The following XKR4 variants were observed in gnomAD, a reference collection of about 807,000 sequenced individuals.
XKR4 encodes XK related 4, also known as XK-related protein 4.
XKR4 carries 12 observed loss-of-function variants against 53.9 expected under a neutral mutation model. That is an observed-to-expected ratio of 0.22 (90% CI 0.14 to 0.36). The LOEUF (loss-of-function observed/expected upper bound fraction) is 0.36, where lower values mean the gene tolerates loss of function less well. Among genes scored for constraint, XKR4 ranks in the 10% least tolerant of loss-of-function variants. The pLI is 1.00. For missense variants in XKR4, 799 were observed against 859.5 expected, an observed-to-expected ratio of 0.93 and a Z score of 0.88; for synonymous variants, 354 against 362.4, an observed-to-expected ratio of 0.98 and a Z score of 0.26.
At position 55,524,511 on chromosome 8, in the gene XKR4, G is replaced by GT; in HGVS notation, c.*284_*285insT. 4.6e-6 allele frequency: 2 copies of GT among 430,834 alleles called. No homozygotes were observed. The highest frequency in any genetic ancestry group is 3.9e-5 in the African/African-American group (2 of 50,898). 26.7% of individuals were successfully genotyped at this position (430,834 alleles called of 1,614,324 possible). ...CACGGTCTTGGGTGCACCCACCAGA[G>GT]GGTACTACTATTATGGAAAAATTTT... On this transcript the variant is annotated 3_prime_UTR_variant, in exon 3 of 3. Coordinates refer to ENST00000327381, the MANE Select transcript of XKR4 (RefSeq NM_052898.2).
At chr8:55,314,845 G>T (rs946596702) in intron 1 of XKR4, among the ~76,000 whole-genome samples, 1 of 152,266 alleles carries the variant, frequency 6.6e-6, no homozygotes, top group Non-Finnish European at 1.5e-5. Context: ...TTCAAGAAGG[G>T]AAGGCCATTT....
rs576618617 is a variant in XKR4, at chr8:55,321,700, C to T, written c.807-35978C>T. 5.9e-5 allele frequency among the ~76,000 whole-genome samples: 9 copies of T among 152,266 alleles called. No individual in the cohort carries two copies. The South Asian group carries it at 1.9e-3, about 32-fold the overall frequency. On this transcript the variant is annotated intron_variant, in intron 1 of 2. Transcript: ENST00000327381. The stretch of plus-strand genomic sequence containing the variant: ...TTGTGAACCCACCACCTATTAAAAA[C>T]ATATCTTGGGCCGGGCATGGTGGCT...
intron 1 of XKR4, among the ~76,000 whole-genome samples, chr8:55,310,318 G>A (rs1183209691): frequency 6.6e-6 from 1 of 152,124 alleles, no homozygotes; most frequent in Non-Finnish European, 1.5e-5. Context: ...GTGACCTTCA[G>A]CAAAGTCCTT....
chr8:55,396,561 C>G (rs1042599507), intron 2 of XKR4, among the ~76,000 whole-genome samples: 1 of 152,002 alleles, frequency 6.6e-6, no homozygotes, highest in East Asian at 1.9e-4. Context: ...AAGAAAGGAC[C>G]TGAAGAAAAG....
At chr8:55,281,683 T>C (rs1200405950) in intron 1 of XKR4, among the ~76,000 whole-genome samples, 2 of 152,216 alleles carry the variant, frequency 1.3e-5, no homozygotes, top group Non-Finnish European at 2.9e-5. Flanking sequence ...GAGGGAAGTA[T>C]CTTTTCATTG....
intron 2 of XKR4, among the ~76,000 whole-genome samples, chr8:55,401,014 T>A (rs1406780192): frequency 1.3e-5 from 2 of 152,240 alleles, no homozygotes; most frequent in Non-Finnish European, 2.9e-5. Context: ...CATAGGTACA[T>A]GCTGCTCATG....
chr8:55,468,727 T>A (rs1585591462), intron 2 of XKR4, among the ~76,000 whole-genome samples: 1 of 152,138 alleles, frequency 6.6e-6, no homozygotes, highest in Admixed American at 6.5e-5. Context: ...TCCTCATCTA[T>A]AAAACGAAAA....
chr8:55,505,661 T>C (rs1019861350), intron 2 of XKR4, among the ~76,000 whole-genome samples: 3 of 152,266 alleles, frequency 2.0e-5, no homozygotes, highest in Admixed American at 6.5e-5. Context: ...TTTCATCTCA[T>C]TGTGATCCGA....
At chr8:55,507,740 G>T (rs1033842160) in intron 2 of XKR4, among the ~76,000 whole-genome samples, 4 of 152,142 alleles carry the variant, frequency 2.6e-5, no homozygotes, top group Non-Finnish European at 5.9e-5. Context: ...TCTTAATCCA[G>T]TCTATCCTTG....
chr8:55,133,035 GT>G (rs796198480), intron 1 of XKR4, among the ~76,000 whole-genome samples: 2 of 152,250 alleles, frequency 1.3e-5, no homozygotes, highest in African/African-American at 4.8e-5. Flanking sequence ...GATGACTGAG[GT>G]TTGGACACCT....
intron 2 of XKR4, among the ~76,000 whole-genome samples, chr8:55,457,397 C>T (rs955872985): frequency 6.6e-6 from 1 of 152,146 alleles, no homozygotes; most frequent in African/African-American, 2.4e-5. Context: ...CCGCTTTGGC[C>T]TCCCAAAGTG....
At chr8:55,460,748 A>C (rs1805643291) in intron 2 of XKR4, among the ~76,000 whole-genome samples, 2 of 152,218 alleles carry the variant, frequency 1.3e-5, no homozygotes, top group South Asian at 4.1e-4. Context: ...AAGGGGTGAC[A>C]GATGGCACCT....
At chr8:55,405,686 T>G (rs1348256454) in intron 2 of XKR4, among the ~76,000 whole-genome samples, 1 of 152,230 alleles carries the variant, frequency 6.6e-6, no homozygotes, top group Non-Finnish European at 1.5e-5. Flanking sequence ...TGAAATTTCT[T>G]CAACTCCCTT....
At chr8:55,238,444 A>C (rs1381861265) in intron 1 of XKR4, among the ~76,000 whole-genome samples, 6 of 152,216 alleles carry the variant, frequency 3.9e-5, no homozygotes, top group African/African-American at 1.4e-4. Context: ...TAGGTGGCAG[A>C]GGCAGAAGAA....
At chr8:55,475,063 A>C (rs1805957737) in intron 2 of XKR4, among the ~76,000 whole-genome samples, 1 of 151,974 alleles carries the variant, frequency 6.6e-6, no homozygotes, top group Admixed American at 6.5e-5. Flanking sequence ...CTAAGAACTT[A>C]TAAATACATG....
At chr8:55,303,572 G>T (rs960225525) in intron 1 of XKR4, among the ~76,000 whole-genome samples, 81 of 152,330 alleles carry the variant, frequency 5.3e-4, no homozygotes, top group African/African-American at 1.9e-3. Flanking sequence ...AGAAGGAATG[G>T]TACCAGCTCC....
intron 1 of XKR4, among the ~76,000 whole-genome samples, chr8:55,171,183 C>T (rs764262691): frequency 9.9e-5 from 15 of 152,166 alleles, no homozygotes; most frequent in Non-Finnish European, 1.5e-4. Flanking sequence ...TCAGTACCTA[C>T]AATCGAGAAA....
chr8:55,413,281 G>A (rs989789761), intron 2 of XKR4, among the ~76,000 whole-genome samples: 9 of 152,080 alleles, frequency 5.9e-5, no homozygotes, highest in Admixed American at 5.9e-4. Context: ...GGAGTGCAGT[G>A]GTGCAATCTT....
intron 2 of XKR4, among the ~76,000 whole-genome samples, chr8:55,367,509 A>G (rs1030777749): frequency 2.0e-5 from 3 of 152,300 alleles, no homozygotes; most frequent in Admixed American, 6.5e-5. Context: ...TTGCTGAGTC[A>G]TGGGGTACAG....
Sources: gnomAD v4.1 joint callset for allele counts (sites outside exome capture counted in the v4.1 genomes callset) on GRCh38, gnomAD v4.1.1 for gene constraint, MANE v1.5 for transcripts, NCBI Gene and HGNC (gene_info 2026-07-23, HGNC 2026-07-21) for gene names.